Variants in LRRC7 observed in about 807,000 individuals in gnomAD.
LRRC7 encodes the protein leucine rich repeat containing 7.
LRRC7 carries 23 observed loss-of-function variants against 175.7 expected under a neutral mutation model. The observed-to-expected ratio is 0.13, with a 90% confidence interval of 0.09 to 0.19. The LOEUF (loss-of-function observed/expected upper bound fraction) is 0.19, where lower values mean the gene tolerates loss of function less well. Among genes scored for constraint, LRRC7 ranks in the 10% least tolerant of loss-of-function variants. LRRC7 has a pLI of 1.00. For missense variants in LRRC7, 1,354 were observed against 1,904.7 expected (o/e 0.71, Z 5.38); for synonymous variants, 685 against 680.9 (o/e 1.01, Z -0.09).
At position 69,718,931 on chromosome 1, in the gene LRRC7, G is replaced by A. The variant is rs189520385; in HGVS notation, c.100+40453G>A. On this transcript the variant is annotated intron_variant, in intron 2 of 26. Coordinates refer to ENST00000651989, the MANE Select transcript of LRRC7 (RefSeq NM_001370785.2). ...CAACTTTCGATGCCAGATGGTTTTC[G>A]AATCCTCTTCAACAGCATCTTTATT... Among the ~76,000 whole-genome samples the A allele has an allele frequency of 2.3e-4, 35 of 151,908 alleles. 1 individual carries two copies. Among genetic ancestry groups the A allele is most frequent in the Admixed American group, 1.9e-3 (29 of 15,246 alleles).
chr1:69,920,376 A>G (rs1385042790), intron 7 of LRRC7: 1 of 152,108 alleles, frequency 6.6e-6, no homozygotes, highest in Non-Finnish European at 1.5e-5. Context: ...GTTTTGGAAA[A>G]TAAACATTGG....
intron 11 of LRRC7, among the ~76,000 whole-genome samples, chr1:69,997,870 G>T (rs572853728): frequency 7.6e-4 from 115 of 152,212 alleles, no homozygotes; most frequent in Middle Eastern, 3.4e-3. Context: ...CTCTTTTGTG[G>T]TTGTATCTCT....
intron 23 of LRRC7, among the ~76,000 whole-genome samples, chr1:70,055,766 C>T (rs900058376): frequency 6.6e-6 from 1 of 152,152 alleles, no homozygotes; most frequent in Non-Finnish European, 1.5e-5. Context: ...AAAATCCACT[C>T]CCGTGATTCA....
intron 14 of LRRC7, among the ~76,000 whole-genome samples, chr1:70,016,905 G>A (rs964055412): frequency 6.6e-6 from 1 of 151,946 alleles, no homozygotes; most frequent in African/African-American, 2.4e-5. Context: ...CCACAACAGG[G>A]AATTATTATC....
intron 13 of LRRC7, chr1:70,013,874 A>G (rs953218309): frequency 5.9e-5 from 9 of 152,200 alleles, no homozygotes; most frequent in African/African-American, 2.2e-4. Flanking sequence ...ATCAAAGATT[A>G]GCTTTTATGG....
chr1:69,887,662 G>A (rs1645683674), intron 7 of LRRC7, among the ~76,000 whole-genome samples: 1 of 152,084 alleles, frequency 6.6e-6, no homozygotes, highest in Non-Finnish European at 1.5e-5. Context: ...TGCTGGTGAG[G>A]AACTGCGTTC....
In LRRC7 at chr1:70,124,461, G is replaced by C. The variant is rs1183219963; in HGVS notation, c.*2574G>C. ...CAATCGCTTGACCTGGGAGGCGGAG[G>C]TTGCAGTGAGCTGAGATTGTGCCAC... On this transcript the variant is annotated 3_prime_UTR_variant, in exon 27 of 27. Transcript: ENST00000651989. 6.6e-6 allele frequency among the ~76,000 whole-genome samples: 1 copy of C among 152,164 alleles called. No homozygotes were observed. Among genetic ancestry groups the C allele is most frequent in the Non-Finnish European group, 1.5e-5 (1 of 68,042 alleles).
At chr1:69,963,601 G>A (rs1394948444) in intron 8 of LRRC7, among the ~76,000 whole-genome samples, 1 of 152,166 alleles carries the variant, frequency 6.6e-6, no homozygotes, top group Non-Finnish European at 1.5e-5. Context: ...AGAAGATGGA[G>A]GAAGGTAGTA....
At chr1:69,718,168 G>GAAAGAAAGAAAGAA (rs777380635) in intron 2 of LRRC7, among the ~76,000 whole-genome samples, 1 of 150,058 alleles carries the variant, frequency 6.7e-6, no homozygotes, top group Non-Finnish European at 1.5e-5. Flanking sequence ...AAGAAAGAAA[G>GAAAGAAAGAAAGAA]AAAGAAGAAA....
chr1:70,090,825 C>T (rs1663977432), intron 25 of LRRC7, among the ~76,000 whole-genome samples: 1 of 152,068 alleles, frequency 6.6e-6, no homozygotes, highest in South Asian at 2.1e-4. Flanking sequence ...TTCTGAAAAA[C>T]CTGGGATGCC....
At chr1:69,907,600 A>T (rs944429244) in intron 7 of LRRC7, among the ~76,000 whole-genome samples, 2 of 152,186 alleles carry the variant, frequency 1.3e-5, no homozygotes, top group Non-Finnish European at 2.9e-5. Context: ...CTTGCATCCC[A>T]GGGATGAAGC....
At chr1:69,718,142 G>GAGAAAGAAAGAA (rs761585823) in intron 2 of LRRC7, among the ~76,000 whole-genome samples, 3,349 of 73,742 alleles carry the variant, frequency 0.045, 140 homozygotes, top group Middle Eastern at 0.078. Flanking sequence ...AAGAAAGAGA[G>GAGAAAGAAAGAA]AGAAAGAAAG....
chr1:69,643,809 G>A (rs1232672851), intron 1 of LRRC7, among the ~76,000 whole-genome samples: 1 of 151,976 alleles, frequency 6.6e-6, no homozygotes, highest in East Asian at 1.9e-4. Context: ...TTGGAAAGAA[G>A]GCCAAGTAAC....
At chr1:69,987,618 T>C (rs920471494) in intron 10 of LRRC7, among the ~76,000 whole-genome samples, 5 of 152,206 alleles carry the variant, frequency 3.3e-5, no homozygotes, top group Non-Finnish European at 7.3e-5. Context: ...GTTGTAAATT[T>C]TTAATCATTA....
At chr1:69,678,532 A>G in intron 2 of LRRC7, 54 bp downstream of exon 2, 1 of 1,263,006 alleles carries the variant, frequency 7.9e-7, no homozygotes. Flanking sequence ...GGTGAGTAGC[A>G]TAGTAAAATG....
At chr1:70,100,194 C>G (rs910597032) in intron 25 of LRRC7, among the ~76,000 whole-genome samples, 3 of 151,968 alleles carry the variant, frequency 2.0e-5, no homozygotes, top group Non-Finnish European at 4.4e-5. Flanking sequence ...CACTTACGTT[C>G]AAATTATCTA....
At chr1:69,897,032 A>T (rs986852269) in intron 7 of LRRC7, among the ~76,000 whole-genome samples, 2 of 152,114 alleles carry the variant, frequency 1.3e-5, no homozygotes, top group Admixed American at 1.3e-4. Flanking sequence ...TCATTTTTCC[A>T]ATGATAATAA....
At chr1:69,647,004 A>G (rs1057196713) in intron 1 of LRRC7, among the ~76,000 whole-genome samples, 2 of 152,144 alleles carry the variant, frequency 1.3e-5, no homozygotes, top group Non-Finnish European at 2.9e-5. Flanking sequence ...TCTAGAGGAA[A>G]ATCTTGGAAA....
rs557380017 is a variant in LRRC7 at position 70,061,732 on chromosome 1, A to G, written c.4230+8587A>G. On this transcript the variant is annotated intron_variant, in intron 23 of 26. Transcript: ENST00000651989. ...GAAGATATCAAATGTGTCCAAATAA[A>G]AAGAGCCTTCATCTCCAGTGAGACT... Among the ~76,000 whole-genome samples, 3 of 152,288 alleles carry G rather than the reference A, an allele frequency of 2.0e-5. No homozygotes were observed. In the South Asian group the frequency reaches 6.2e-4, roughly 32 times the overall value.
Sources: gnomAD v4.1 joint callset for allele counts (sites outside exome capture counted in the v4.1 genomes callset) on GRCh38, gnomAD v4.1.1 for gene constraint, MANE v1.5 for transcripts, NCBI Gene and HGNC (gene_info 2026-07-23, HGNC 2026-07-21) for gene names.